The following CRIM1 variants were observed in gnomAD, a reference collection of about 807,000 sequenced individuals.
The protein encoded by CRIM1 is cysteine-rich motor neuron 1 protein.
CRIM1 carries 32 observed loss-of-function variants against 116.4 expected under a neutral mutation model. The ratio of observed to expected loss-of-function variants is 0.27; its 90% CI spans 0.21 to 0.37. The LOEUF is 0.37. Among genes scored for constraint, CRIM1 ranks in the 10% least tolerant of loss-of-function variants. CRIM1 has a pLI of 1.00. For missense variants in CRIM1, 1,331 were observed against 1,354.8 expected (o/e 0.98, Z 0.28); for synonymous variants, 590 against 509.2 (o/e 1.16, Z -2.13).
chr2:36,532,075 C>T (rs897244437), intron 13 of CRIM1: 5 of 433,674 alleles, frequency 1.2e-5, no homozygotes, highest in African/African-American at 6.3e-5. Flanking sequence ...AGATAGGGGC[C>T]ATAGCTGAGA....
chr2:36,356,628 G>T lies in CRIM1; in HGVS notation c.331+5G>T. On this transcript the variant is annotated splice_donor_5th_base_variant and intron_variant, in intron 1 of 16. Coordinates refer to ENST00000280527, the MANE Select transcript of CRIM1 (RefSeq NM_016441.3). This position sits in a 1 kb window ranked among gnomAD's most constrained non-coding sequence, Gnocchi z 4.3. Reference sequence around the variant, plus strand: ...ACGAAGCGGGCGTTTGCGAAGGTACGGCCGCCCGCTGCGGGCCCCCTCCCA... The same window carrying T: ...ACGAAGCGGGCGTTTGCGAAGGTACTGCCGCCCGCTGCGGGCCCCCTCCCA... The T allele has an allele frequency of 6.2e-7, 1 of 1,602,680 alleles. No individual in the cohort carries two copies. Among genetic ancestry groups the T allele is most frequent in the Non-Finnish European group, 8.5e-7 (1 of 1,175,772 alleles).
At chr2:36,523,421 G>C (rs966359806) in intron 13 of CRIM1, among the ~76,000 whole-genome samples, 1 of 152,132 alleles carries the variant, frequency 6.6e-6, no homozygotes, top group Non-Finnish European at 1.5e-5. Context: ...GAGGATCTAT[G>C]TATATTAGCA....
chr2:36,517,253 A>G, intron 11 of CRIM1, 74 bp from the exon 12 acceptor site: 1 of 1,236,758 alleles, frequency 8.1e-7, no homozygotes, highest in Non-Finnish European at 1.2e-6. Flanking sequence ...CCCTTAAAGC[A>G]AACAGCACCA....
chr2:36,493,374 A>G (rs1267879144), intron 7 of CRIM1, among the ~76,000 whole-genome samples: 1 of 152,194 alleles, frequency 6.6e-6, no homozygotes, highest in African/African-American at 2.4e-5. Context: ...ATGCATAGGA[A>G]CAGAGGGTGC....
At position 36,355,999 on chromosome 2, in the gene CRIM1, G is replaced by A. The variant is rs1668768388; in HGVS notation, c.-294G>A. 6.6e-6 allele frequency: 1 copy of A among 151,902 alleles called. No individual in the cohort carries two copies. Among genetic ancestry groups the A allele is most frequent in the Admixed American group, 6.6e-5 (1 of 15,224 alleles). The allele number at this position is 151,902 out of a possible 1,614,324, so 9.4% of individuals were successfully genotyped here. A position where few individuals can be genotyped will look rare whatever the true frequency, so the allele number is the denominator to read the frequency against. On this transcript the variant is annotated 5_prime_UTR_variant, in exon 1 of 17. Coordinates refer to ENST00000280527, the MANE Select transcript of CRIM1 (RefSeq NM_016441.3). ...CGCCAGAAGTTTGGGTTGAACCGGA[G>A]CTGCCGGGAGGAAACTTTTTTCTTT...
chr2:36,362,301 TG>T (rs1470478023), intron 1 of CRIM1, among the ~76,000 whole-genome samples: 7 of 152,170 alleles, frequency 4.6e-5, no homozygotes, highest in Non-Finnish European at 8.8e-5. Flanking sequence ...GAGGCTCTGG[TG>T]GCAAAGCAGA....
intron 5 of CRIM1, among the ~76,000 whole-genome samples, chr2:36,467,992 A>G (rs1290924414): frequency 3.3e-5 from 5 of 152,264 alleles, no homozygotes; most frequent in Non-Finnish European, 5.9e-5. Context: ...CTCAATAAAA[A>G]GCAAAGGCAA....
chr2:36,430,828 TTTGGAGGCACTCC>T (rs1181095968), intron 2 of CRIM1, among the ~76,000 whole-genome samples: 2 of 152,178 alleles, frequency 1.3e-5, no homozygotes, highest in Non-Finnish European at 2.9e-5. Context: ...TTTGTTTGTT[TTTGGAGGCACTCC>T]TTACCATTCT....
intron 2 of CRIM1, among the ~76,000 whole-genome samples, chr2:36,435,053 A>G (rs1242362897): frequency 6.6e-6 from 1 of 152,198 alleles, no homozygotes; most frequent in African/African-American, 2.4e-5. Flanking sequence ...TGTCTTCTCC[A>G]GAATTGTAAT....
intron 4 of CRIM1, among the ~76,000 whole-genome samples, chr2:36,443,090 C>T (rs879267503): frequency 2.0e-5 from 3 of 152,166 alleles, no homozygotes; most frequent in African/African-American, 7.2e-5. Flanking sequence ...TGCAGTGAAT[C>T]TTGTAGGTGC....
chr2:36,486,407 G>A (rs1679820259), intron 7 of CRIM1, among the ~76,000 whole-genome samples: 1 of 152,094 alleles, frequency 6.6e-6, no homozygotes, highest in Non-Finnish European at 1.5e-5. Context: ...CTTTGTACTT[G>A]ATTTTGAGTA....
chr2:36,374,317 G>A (rs947383982), intron 1 of CRIM1, among the ~76,000 whole-genome samples: 1 of 152,160 alleles, frequency 6.6e-6, no homozygotes, highest in African/African-American at 2.4e-5. Flanking sequence ...TGTGTGTGCT[G>A]GAGCCAAATG....
intron 2 of CRIM1, among the ~76,000 whole-genome samples, chr2:36,426,422 A>C (rs562283047): frequency 6.6e-6 from 1 of 152,204 alleles, no homozygotes; most frequent in Non-Finnish European, 1.5e-5. Flanking sequence ...CCTAGCATGT[A>C]TCAATAGCCA....
chr2:36,429,868 G>T (rs1421485215), intron 2 of CRIM1, among the ~76,000 whole-genome samples: 1 of 152,110 alleles, frequency 6.6e-6, no homozygotes, highest in African/African-American at 2.4e-5. Context: ...CCTGACAGTG[G>T]TAGTTACAAG....
rs1291953404 is a variant in CRIM1, at chr2:36,549,264, G to GTTTCT, written c.*569_*573dup. 4 of 152,742 alleles carry GTTTCT rather than the reference G, an allele frequency of 2.6e-5. No homozygotes were observed. The highest frequency in any genetic ancestry group is 9.6e-5 in the African/African-American group (4 of 41,458). 9.5% of individuals were successfully genotyped at this position (152,742 alleles called of 1,614,324 possible). ...AGCCATCCCAGGTCTAAAGCCACAA[G>GTTTCT]TTTCTTTTCTATACAGTCACAACTG... On this transcript the variant is annotated 3_prime_UTR_variant, in exon 17 of 17. Coordinates refer to ENST00000280527, the MANE Select transcript of CRIM1 (RefSeq NM_016441.3).
chr2:36,502,657 T>G (rs1185494862), intron 8 of CRIM1, among the ~76,000 whole-genome samples: 1 of 152,180 alleles, frequency 6.6e-6, no homozygotes. Context: ...TAAACACTCA[T>G]GAAATATCAC....
At chr2:36,488,745 C>A (rs773170802) in intron 7 of CRIM1, among the ~76,000 whole-genome samples, 1 of 152,096 alleles carries the variant, frequency 6.6e-6, no homozygotes, top group Non-Finnish European at 1.5e-5. Context: ...GTATATGGAC[C>A]ATTTGAGATC....
chr2:36,450,913 T>C (rs1391357106), intron 4 of CRIM1, among the ~76,000 whole-genome samples: 1 of 152,198 alleles, frequency 6.6e-6, no homozygotes, highest in Non-Finnish European at 1.5e-5. Context: ...TAGATAGAGA[T>C]GTTTAGAAGA....
In CRIM1 at chr2:36,359,417, G is replaced by A. The variant is rs192817433; in HGVS notation, c.331+2794G>A. Among the ~76,000 whole-genome samples the A allele has an allele frequency of 3.9e-5, 6 of 152,158 alleles. No individual in the cohort carries two copies. In the East Asian group the frequency reaches 1.2e-3, roughly 29 times the overall value. On this transcript the variant is annotated intron_variant, in intron 1 of 16. Coordinates refer to ENST00000280527, the MANE Select transcript of CRIM1 (RefSeq NM_016441.3). Reference sequence around the variant, plus strand: ...GTTTACTCTCATACTGGCTTTGTAGGGGAAAAAAATTACGTTTTTAACTGC... The same window carrying A: ...GTTTACTCTCATACTGGCTTTGTAGAGGAAAAAAATTACGTTTTTAACTGC...
Sources: allele counts gnomAD v4.1 joint callset (sites outside exome capture counted in the v4.1 genomes callset), GRCh38; gene constraint gnomAD v4.1.1; non-coding constraint Gnocchi (gnomAD v3.1); transcripts MANE v1.5; gene names NCBI Gene and HGNC (gene_info 2026-07-23, HGNC 2026-07-21).